Variants in SEPTIN11 observed in about 807,000 individuals in gnomAD.
The protein encoded by SEPTIN11 is septin-11.
Under a neutral mutation model 51.4 loss-of-function variants are expected in SEPTIN11, and 25 were observed. That is an observed-to-expected ratio of 0.49 (90% CI 0.35 to 0.68). The LOEUF (loss-of-function observed/expected upper bound fraction) is 0.68, where lower values mean the gene tolerates loss of function less well. SEPTIN11 is among the 30% of genes least tolerant of loss of function. The pLI, the probability that SEPTIN11 is intolerant of heterozygous loss-of-function variation, is 0.00. For missense variants in SEPTIN11, 381 were observed against 520.8 expected (o/e 0.73, Z 2.61); for synonymous variants, 174 against 184.1 (o/e 0.95, Z 0.44).
chr4:76,966,551 T>C (rs947101317), intron 1 of SEPTIN11, among the ~76,000 whole-genome samples: 1 of 152,074 alleles, frequency 6.6e-6, no homozygotes, highest in African/African-American at 2.4e-5. Flanking sequence ...ATAATACATC[T>C]TGAAAAAAAT....
intron 1 of SEPTIN11, among the ~76,000 whole-genome samples, chr4:76,968,056 C>T (rs551636218): frequency 2.0e-5 from 3 of 152,138 alleles, no homozygotes; most frequent in South Asian, 2.1e-4. Flanking sequence ...AATGTGGCTC[C>T]GCAAAAACAT....
Position 76,984,472 on chromosome 4 carries a change from G to C in SEPTIN11, c.28-11953G>C, listed in dbSNP as rs1040088258. Reference sequence around the variant, plus strand: ...ATCCGGTGATAGAAATGGTGGCATCGGGAAGGAAGCGTCCCATCCATATTT... The same window carrying C: ...ATCCGGTGATAGAAATGGTGGCATCCGGAAGGAAGCGTCCCATCCATATTT... On this transcript the variant is annotated intron_variant, in intron 1 of 9. Coordinates refer to ENST00000264893, the MANE Select transcript of SEPTIN11 (RefSeq NM_018243.4). The surrounding 1 kb of genome is among the most constrained non-coding windows in gnomAD (Gnocchi z 4.1). 1.3e-5 allele frequency among the ~76,000 whole-genome samples: 2 copies of C among 152,278 alleles called. No individual in the cohort carries two copies. Among genetic ancestry groups the C allele is most frequent in the African/African-American group, 4.8e-5 (2 of 41,556 alleles).
intron 2 of SEPTIN11, among the ~76,000 whole-genome samples, chr4:77,000,340 C>T (rs1268089839): frequency 6.6e-6 from 1 of 152,170 alleles, no homozygotes; most frequent in African/African-American, 2.4e-5. Flanking sequence ...TTTATCCCGT[C>T]TTGTTTTTCC....
chr4:77,027,303 T>G (rs1726230905), intron 7 of SEPTIN11, among the ~76,000 whole-genome samples: 1 of 152,004 alleles, frequency 6.6e-6, no homozygotes, highest in African/African-American at 2.4e-5. Context: ...ATCCAGCTAA[T>G]TTTTGTATTT....
At chr4:77,022,388 G>C (rs1277321848) in intron 7 of SEPTIN11, among the ~76,000 whole-genome samples, 1 of 152,094 alleles carries the variant, frequency 6.6e-6, no homozygotes, top group Non-Finnish European at 1.5e-5. Context: ...TGTGAAATGA[G>C]GAGCTGATCC....
chr4:76,978,359 G>A (rs1560705140), intron 1 of SEPTIN11, among the ~76,000 whole-genome samples: 1 of 152,128 alleles, frequency 6.6e-6, no homozygotes, highest in Non-Finnish European at 1.5e-5. Context: ...CCTCTCCAGC[G>A]ATTTCTCACC....
Position 77,028,613 on chromosome 4 carries a change from T to C in SEPTIN11, c.954-16T>C. 1 of 1,578,764 alleles carries C rather than the reference T, an allele frequency of 6.3e-7. No individual in the cohort carries two copies. Among genetic ancestry groups the C allele is most frequent in the East Asian group, 2.3e-5 (1 of 43,798 alleles). ...CAATTTCATGATGCTGTCCTTCGTTTGTGGATTTTCAATAGTCTTCAGGAG... is the reference window on the plus strand; with the variant it reads ...CAATTTCATGATGCTGTCCTTCGTTCGTGGATTTTCAATAGTCTTCAGGAG... On this transcript the variant is annotated splice_polypyrimidine_tract_variant and intron_variant, in intron 7 of 9. Coordinates refer to ENST00000264893, the MANE Select transcript of SEPTIN11 (RefSeq NM_018243.4).
intron 7 of SEPTIN11, among the ~76,000 whole-genome samples, chr4:77,027,991 T>G (rs1270453023): frequency 6.6e-6 from 1 of 152,248 alleles, no homozygotes; most frequent in Non-Finnish European, 1.5e-5. Context: ...CTACAGTACC[T>G]TTAAAGGTAA....
intron 2 of SEPTIN11, among the ~76,000 whole-genome samples, chr4:77,005,088 T>C (rs1046598258): frequency 6.6e-6 from 1 of 152,094 alleles, no homozygotes; most frequent in Non-Finnish European, 1.5e-5. Context: ...TCATCAAGAG[T>C]GTTATTTTGA....
intron 3 of SEPTIN11, among the ~76,000 whole-genome samples, chr4:77,007,616 A>T (rs529350904): frequency 4.6e-5 from 7 of 152,358 alleles, no homozygotes; most frequent in Middle Eastern, 3.4e-3. Flanking sequence ...TTAAGAAATT[A>T]TCTGACTCAT....
chr4:76,999,284 T>G (rs1047337984), intron 2 of SEPTIN11, among the ~76,000 whole-genome samples: 5 of 152,164 alleles, frequency 3.3e-5, no homozygotes, highest in African/African-American at 1.2e-4. Context: ...TAGCATAATA[T>G]CTTTATAAGA....
At chr4:77,022,269 A>G (rs900511274) in intron 7 of SEPTIN11, among the ~76,000 whole-genome samples, 1 of 152,182 alleles carries the variant, frequency 6.6e-6, no homozygotes, top group Admixed American at 6.5e-5. Flanking sequence ...CTTCATTCAA[A>G]TCCAGACAGT....
chr4:76,956,132 A>G (rs540047131), intron 1 of SEPTIN11, among the ~76,000 whole-genome samples: 1 of 152,260 alleles, frequency 6.6e-6, no homozygotes, highest in African/African-American at 2.4e-5. Context: ...TGTGAATCTC[A>G]TTAAGGTACT....
chr4:77,016,629 TACAC>T (rs1553975018), intron 5 of SEPTIN11, among the ~76,000 whole-genome samples: 11 of 74,050 alleles, frequency 1.5e-4, no homozygotes, highest in African/African-American at 5.0e-4. Context: ...TATATATATA[TACAC>T]ATATATATAT....
chr4:77,039,020 A>T, downstream of SEPTIN11: 1 of 1,159,908 alleles, frequency 8.6e-7, no homozygotes, highest in Non-Finnish European at 1.1e-6. Flanking sequence ...TTCTTTTCTT[A>T]AGCCATTAAG....
chr4:76,951,911 T>G (rs1721364553), intron 1 of SEPTIN11, among the ~76,000 whole-genome samples: 1 of 152,216 alleles, frequency 6.6e-6, no homozygotes, highest in South Asian at 2.1e-4. Context: ...TTTTTTTAAG[T>G]ATACGTGCAC....
intron 2 of SEPTIN11, among the ~76,000 whole-genome samples, chr4:76,998,964 G>T (rs1723926709): frequency 6.6e-6 from 1 of 152,156 alleles, no homozygotes; most frequent in African/African-American, 2.4e-5. Flanking sequence ...TCAGAAAGGA[G>T]ATAGGGCTTG....
chr4:76,980,730 A>C lies in SEPTIN11; in HGVS notation c.28-15695A>C, dbSNP rs11940434. Among the ~76,000 whole-genome samples, 12 of 152,224 alleles carry C rather than the reference A, an allele frequency of 7.9e-5. No individual in the cohort carries two copies. The East Asian group carries it at 1.9e-3, about 24-fold the overall frequency. ...CCTTAGCTTGCCATTCATTTTATCT[A>C]TGTGAGTAATAATTATTCAAATGGA... On this transcript the variant is annotated intron_variant, in intron 1 of 9. Transcript: ENST00000264893.
At chr4:77,029,781 C>CAT (rs1553979371) in intron 8 of SEPTIN11, among the ~76,000 whole-genome samples, 10 of 139,240 alleles carry the variant, frequency 7.2e-5, no homozygotes, top group Admixed American at 3.6e-4. Context: ...CACACACACA[C>CAT]ATATATATAC....
Sources: allele counts gnomAD v4.1 joint callset (sites outside exome capture counted in the v4.1 genomes callset), GRCh38; gene constraint gnomAD v4.1.1; non-coding constraint Gnocchi (gnomAD v3.1); transcripts MANE v1.5; gene names NCBI Gene and HGNC (gene_info 2026-07-23, HGNC 2026-07-21).